The following LRP1B variants were observed in gnomAD, a reference collection of about 807,000 sequenced individuals.
LRP1B encodes the protein low-density lipoprotein receptor-related protein 1B.
In LRP1B, 217 loss-of-function variants were observed where a neutral mutation model predicts 556.6. The ratio of observed to expected loss-of-function variants is 0.39; its 90% CI spans 0.35 to 0.44. The LOEUF (loss-of-function observed/expected upper bound fraction) is 0.44, where lower values mean the gene tolerates loss of function less well. Ranked by LOEUF, LRP1B falls within the 20% of genes least tolerant of loss-of-function variation. The pLI is 1.00. For missense variants in LRP1B, 5,053 were observed against 5,620.8 expected (o/e 0.90, Z 3.23); for synonymous variants, 2,047 against 1,865.8 (o/e 1.10, Z -2.50).
intron 3 of LRP1B, among the ~76,000 whole-genome samples, chr2:141,395,553 T>C (rs1690211603): frequency 6.6e-6 from 1 of 152,154 alleles, no homozygotes; most frequent in Non-Finnish European, 1.5e-5. Context: ...TCTGAAGGTA[T>C]ACCTGTCTTT....
intron 2 of LRP1B, among the ~76,000 whole-genome samples, chr2:141,488,086 CT>C (rs1327333468): frequency 2.0e-5 from 3 of 152,060 alleles, no homozygotes. Context: ...CTATATCACA[CT>C]TTTTTTGGTA....
intron 35 of LRP1B, among the ~76,000 whole-genome samples, chr2:140,760,338 G>A (rs2104913522): frequency 6.6e-6 from 1 of 152,262 alleles, no homozygotes; most frequent in South Asian, 2.1e-4. Context: ...GGCATTGTTT[G>A]GCAGCATCCC....
chr2:140,802,638 G>A (rs920139681), intron 32 of LRP1B, among the ~76,000 whole-genome samples: 14 of 152,026 alleles, frequency 9.2e-5, no homozygotes, highest in African/African-American at 3.4e-4. Flanking sequence ...TGCTTTATAT[G>A]AGAAAAAGCA....
At chr2:140,798,036 C>G (rs753741229) in intron 32 of LRP1B, among the ~76,000 whole-genome samples, 1 of 152,122 alleles carries the variant, frequency 6.6e-6, no homozygotes, top group Admixed American at 6.6e-5. Flanking sequence ...CAACTCTACA[C>G]TCCCTAATCA....
intron 85 of LRP1B, among the ~76,000 whole-genome samples, chr2:140,271,736 T>G (rs1402195862): frequency 6.6e-6 from 1 of 151,786 alleles, no homozygotes; most frequent in Non-Finnish European, 1.5e-5. Context: ...GGTCTCAAGT[T>G]TGTACAGAGA....
intron 15 of LRP1B, among the ~76,000 whole-genome samples, chr2:140,999,766 A>G (rs1006473557): frequency 2.6e-5 from 4 of 152,014 alleles, no homozygotes; most frequent in East Asian, 3.9e-4. Context: ...TGGTTTGGCA[A>G]TTAGGGCAAA....
At chr2:140,917,707 A>C (rs963889450) in intron 21 of LRP1B, among the ~76,000 whole-genome samples, 1 of 152,190 alleles carries the variant, frequency 6.6e-6, no homozygotes, top group Non-Finnish European at 1.5e-5. Flanking sequence ...ATAAACAGGC[A>C]GGGTACGAAA....
At chr2:141,119,848 T>G (rs549554118) in intron 7 of LRP1B, among the ~76,000 whole-genome samples, 3 of 151,756 alleles carry the variant, frequency 2.0e-5, no homozygotes, top group Non-Finnish European at 4.4e-5. Flanking sequence ...AGGCACAGAC[T>G]TGGCCTAAGA....
chr2:141,957,713 G>A (rs941342852), intron 1 of LRP1B, among the ~76,000 whole-genome samples: 20 of 151,796 alleles, frequency 1.3e-4, no homozygotes, highest in African/African-American at 4.6e-4. Flanking sequence ...GGAATTAATC[G>A]ACAACATGGC....
At chr2:140,922,085 T>C (rs1245106350) in intron 21 of LRP1B, among the ~76,000 whole-genome samples, 1 of 152,024 alleles carries the variant, frequency 6.6e-6, no homozygotes, top group Non-Finnish European at 1.5e-5. Flanking sequence ...GGGAGGATGA[T>C]ACCAACCATT....
At chr2:141,409,128 C>A (rs1690754924) in intron 3 of LRP1B, among the ~76,000 whole-genome samples, 1 of 152,068 alleles carries the variant, frequency 6.6e-6, no homozygotes, top group Non-Finnish European at 1.5e-5. Flanking sequence ...ATACTAATAT[C>A]TATCATTTAA....
chr2:141,604,054 GA>G (rs1379246577), intron 2 of LRP1B, among the ~76,000 whole-genome samples: 1 of 152,100 alleles, frequency 6.6e-6, no homozygotes, highest in Non-Finnish European at 1.5e-5. Flanking sequence ...ACTTAAGTAT[GA>G]AAAGCTACCA....
chr2:140,726,734 T>G (rs2105487393), intron 35 of LRP1B, among the ~76,000 whole-genome samples: 1 of 152,312 alleles, frequency 6.6e-6, no homozygotes, highest in South Asian at 2.1e-4. Flanking sequence ...CTAGTTATTA[T>G]AATAAAAATA....
rs185116596 is a variant in LRP1B at position 141,059,605 on chromosome 2, A to G, written c.1237-551T>C. Among the ~76,000 whole-genome samples, 189 of 151,918 alleles carry G rather than the reference A, an allele frequency of 1.2e-3. 2 individuals are homozygous for G. The highest frequency in any genetic ancestry group is 4.4e-3 in the African/African-American group (183 of 41,502). ...ATATATAAAGAAATCACATATTTGC[A>G]ATCATTGTAAATAAATGTCAACATT... is the stretch of plus-strand genomic sequence containing the variant. On this transcript the variant is annotated intron_variant, in intron 8 of 90. Transcript: ENST00000389484.
chr2:140,356,573 A>T (rs1240683535), intron 74 of LRP1B, 97 bp from the exon 75 acceptor site: 3 of 786,290 alleles, frequency 3.8e-6, no homozygotes, highest in Non-Finnish European at 6.2e-6. Flanking sequence ...TTATTATTCC[A>T]CAGATAACTC....
At chr2:140,980,144 G>A (rs563070996) in intron 18 of LRP1B, among the ~76,000 whole-genome samples, 25 of 152,032 alleles carry the variant, frequency 1.6e-4, no homozygotes, top group Middle Eastern at 3.4e-3. Flanking sequence ...AGACCTAATA[G>A]AAGTTCTTTA....
intron 7 of LRP1B, among the ~76,000 whole-genome samples, chr2:141,139,295 T>C (rs2105050015): frequency 1.3e-5 from 2 of 151,954 alleles, no homozygotes; most frequent in South Asian, 4.1e-4. Context: ...TTTATAACAT[T>C]TGGTTAAGCA....
intron 6 of LRP1B, among the ~76,000 whole-genome samples, chr2:141,201,158 G>C (rs1361402980): frequency 6.6e-6 from 1 of 152,190 alleles, no homozygotes; most frequent in Admixed American, 6.5e-5. Flanking sequence ...AGTAACAATA[G>C]TATGAGGGAT....
chr2:141,653,995 T>C (rs952387674), intron 2 of LRP1B, among the ~76,000 whole-genome samples: 3 of 152,320 alleles, frequency 2.0e-5, no homozygotes, highest in East Asian at 1.9e-4. Flanking sequence ...ATTGAATACT[T>C]ATTGTGACTG....
Sources: allele counts gnomAD v4.1 joint callset (sites outside exome capture counted in the v4.1 genomes callset), GRCh38; gene constraint gnomAD v4.1.1; transcripts MANE v1.5; gene names NCBI Gene and HGNC (gene_info 2026-07-23, HGNC 2026-07-21).